The following SUPT3H variants were observed in gnomAD, a reference collection of about 807,000 sequenced individuals.
The protein encoded by SUPT3H is transcription initiation protein SPT3 homolog.
A neutral mutation model predicts 44.3 loss-of-function variants in SUPT3H; 44 were observed. The ratio of observed to expected loss-of-function variants is 0.99; its 90% CI spans 0.78 to 1.28. SUPT3H has a LOEUF of 1.28. SUPT3H is among the 50% of genes most tolerant of loss of function. The probability of loss-of-function intolerance (pLI) is 0.00; values close to 1 mark genes in which losing one functional copy is unlikely to be tolerated. For missense variants in SUPT3H, 380 were observed against 387.1 expected, an observed-to-expected ratio of 0.98 and a Z score of 0.15; for synonymous variants, 124 against 125.6, an observed-to-expected ratio of 0.99 and a Z score of 0.09.
At chr6:45,351,397 C>T (rs1792021356) in intron 2 of SUPT3H, among the ~76,000 whole-genome samples, 2 of 151,892 alleles carry the variant, frequency 1.3e-5, no homozygotes, top group Non-Finnish European at 2.9e-5. Flanking sequence ...TAAAACAATC[C>T]CCATAATCAG....
chr6:45,338,285 G>T (rs1211203286), intron 2 of SUPT3H, among the ~76,000 whole-genome samples: 1 of 151,854 alleles, frequency 6.6e-6, no homozygotes, highest in African/African-American at 2.4e-5. Flanking sequence ...TACTTTCACT[G>T]CAGATTGTTC....
At chr6:45,262,078 CAT>C (rs763210304) in intron 2 of SUPT3H, among the ~76,000 whole-genome samples, 41 of 152,024 alleles carry the variant, frequency 2.7e-4, no homozygotes, top group Non-Finnish European at 5.1e-4. Flanking sequence ...TCAGCGATGA[CAT>C]AAACAAATGG....
chr6:45,151,291 T>TG (rs1380795530), intron 2 of SUPT3H, among the ~76,000 whole-genome samples: 1 of 152,094 alleles, frequency 6.6e-6, no homozygotes, highest in East Asian at 1.9e-4. Flanking sequence ...AATTCAGTGT[T>TG]GGGAAAAAAC....
intron 2 of SUPT3H, among the ~76,000 whole-genome samples, chr6:45,216,139 A>G (rs1174973722): frequency 6.6e-6 from 1 of 152,196 alleles, no homozygotes; most frequent in Non-Finnish European, 1.5e-5. Context: ...AAAACTGAGG[A>G]AATTCATCAT....
chr6:45,168,743 TG>T (rs1299607495), intron 2 of SUPT3H, among the ~76,000 whole-genome samples: 1 of 152,140 alleles, frequency 6.6e-6, no homozygotes, highest in Non-Finnish European at 1.5e-5. Context: ...GTGAACACTG[TG>T]AGCAATGGGA....
At chr6:44,904,050 T>A (rs1193451566) in intron 10 of SUPT3H, among the ~76,000 whole-genome samples, 1 of 152,194 alleles carries the variant, frequency 6.6e-6, no homozygotes, top group Admixed American at 6.5e-5. Context: ...AAGAGCTATC[T>A]ATGACAAACC....
intron 2 of SUPT3H, among the ~76,000 whole-genome samples, chr6:45,317,128 G>A (rs1376631867): frequency 2.7e-5 from 4 of 150,168 alleles, no homozygotes; most frequent in African/African-American, 7.3e-5. Flanking sequence ...TCAGGAGGCT[G>A]AGGTGGAAGG....
At chr6:44,991,694 C>A (rs941924275) in intron 6 of SUPT3H, among the ~76,000 whole-genome samples, 2 of 152,022 alleles carry the variant, frequency 1.3e-5, no homozygotes, top group African/African-American at 4.8e-5. Context: ...CATTAAACAG[C>A]TTGATTTGCA....
chr6:44,822,136 A>G (rs998854927), downstream of SUPT3H, among the ~76,000 whole-genome samples: 5 of 152,208 alleles, frequency 3.3e-5, no homozygotes, highest in African/African-American at 1.2e-4. Flanking sequence ...AGGTGGGTTC[A>G]TGAACCCCTT....
intron 11 of SUPT3H, among the ~76,000 whole-genome samples, chr6:44,810,452 A>G (rs573084323): frequency 6.6e-6 from 1 of 152,104 alleles, no homozygotes; most frequent in Non-Finnish European, 1.5e-5. Context: ...TCCATTCCCT[A>G]TCTTTAATAG....
intron 2 of SUPT3H, among the ~76,000 whole-genome samples, chr6:45,350,764 C>T (rs1791846345): frequency 6.6e-6 from 1 of 151,996 alleles, no homozygotes; most frequent in South Asian, 2.1e-4. Context: ...CAGCTAAATG[C>T]CAGGTTCTAA....
At chr6:45,089,895 C>T (rs1796926612) in intron 3 of SUPT3H, among the ~76,000 whole-genome samples, 2 of 151,974 alleles carry the variant, frequency 1.3e-5, no homozygotes, top group African/African-American at 2.4e-5. Context: ...TTAATTGTCC[C>T]CAGCTGTCTA....
intron 2 of SUPT3H, among the ~76,000 whole-genome samples, chr6:45,113,791 T>C (rs576389266): frequency 2.0e-5 from 3 of 147,804 alleles, no homozygotes; most frequent in South Asian, 2.1e-4. Flanking sequence ...GATTGAGCCA[T>C]TGCACTCCAG....
At chr6:45,231,257 T>C (rs1767992966) in intron 2 of SUPT3H, among the ~76,000 whole-genome samples, 1 of 152,200 alleles carries the variant, frequency 6.6e-6, no homozygotes, top group Non-Finnish European at 1.5e-5. Context: ...AGGACTCCCT[T>C]GAATATTTCT....
At chr6:45,204,460 T>C (rs1562684202) in intron 2 of SUPT3H, among the ~76,000 whole-genome samples, 1 of 152,142 alleles carries the variant, frequency 6.6e-6, no homozygotes, top group Non-Finnish European at 1.5e-5. Context: ...GGAACACTTA[T>C]AAAGAATCTA....
intron 2 of SUPT3H, among the ~76,000 whole-genome samples, chr6:45,307,113 C>T (rs1490782450): frequency 6.6e-6 from 1 of 152,234 alleles, no homozygotes; most frequent in South Asian, 2.1e-4. Context: ...GTAAACAAAG[C>T]CACCAGGAAG....
rs1776125929 is a variant in SUPT3H at position 45,271,432 on chromosome 6, T to C, written c.101+93769A>G. Reference sequence around the variant, plus strand: ...CAGACATGACTAAAAGAGGCCAAGGTATAGCTCGGGCTGTGGCTTTAGAGG... The same window carrying C: ...CAGACATGACTAAAAGAGGCCAAGGCATAGCTCGGGCTGTGGCTTTAGAGG... On this transcript the variant is annotated intron_variant, in intron 2 of 10. Transcript: ENST00000371459. 2.0e-5 allele frequency among the ~76,000 whole-genome samples: 3 copies of C among 152,124 alleles called. No homozygotes were observed. In the South Asian group the frequency reaches 6.2e-4, roughly 31 times the overall value.
chr6:45,065,901 T>C (rs1393927068), intron 3 of SUPT3H, among the ~76,000 whole-genome samples: 1 of 136,110 alleles, frequency 7.3e-6, no homozygotes, highest in Non-Finnish European at 1.6e-5. Flanking sequence ...ACTGGTACGA[T>C]TCCTTCTGAA....
rs1347255020 is a variant in SUPT3H at position 44,847,632 on chromosome 6, C to T, written c.913-17775G>A. Among the ~76,000 whole-genome samples, 5 of 151,984 alleles carry T rather than the reference C, an allele frequency of 3.3e-5. No homozygotes were observed. The East Asian group carries it at 9.8e-4, about 30-fold the overall frequency. ...CCTTCTGAGTAGCTGGGACTACAGG[C>T]ATGTGCCACCATGCCCAGCTAATTT... On this transcript the variant is annotated intron_variant, in intron 10 of 10. Transcript: ENST00000371459.
Sources: gnomAD v4.1 joint callset for allele counts (sites outside exome capture counted in the v4.1 genomes callset) on GRCh38, gnomAD v4.1.1 for gene constraint, MANE v1.5 for transcripts, NCBI Gene and HGNC (gene_info 2026-07-23, HGNC 2026-07-21) for gene names.